The following COL6A2 variants were observed in gnomAD, a reference collection of about 807,000 sequenced individuals.
COL6A2 encodes collagen alpha-2(VI) chain.
A neutral mutation model predicts 124.9 loss-of-function variants in COL6A2; 90 were observed. The observed-to-expected ratio is 0.72, with a 90% CI of 0.61 to 0.86. The LOEUF is 0.86. COL6A2 is among the 40% of genes least tolerant of loss of function. COL6A2 has a pLI of 0.00. For missense variants in COL6A2, 1,607 were observed against 1,502.5 expected, an observed-to-expected ratio of 1.07 and a Z score of -1.15; for synonymous variants, 793 against 618.2, an observed-to-expected ratio of 1.28 and a Z score of -4.19.
chr21:46,129,989 G>A (rs952747282), intron 27 of COL6A2, among the ~76,000 whole-genome samples: 87 of 152,148 alleles, frequency 5.7e-4, no homozygotes, highest in Non-Finnish European at 1.2e-3. Flanking sequence ...GCGGAGCCTC[G>A]GAAACAGGCC....
In COL6A2 at chr21:46,117,861, A is replaced by T. The variant is rs1326125101; in HGVS notation, c.1054-13A>T. On this transcript the variant is annotated splice_polypyrimidine_tract_variant and intron_variant, in intron 11 of 27. Transcript: ENST00000300527. ...CGCCGTGTGCCGAGCTCCACCTCTC[A>T]CTCCTCTCTCAGGGCCCCGACGGTT... 2 of 1,607,374 alleles carry T rather than the reference A, an allele frequency of 1.2e-6. No individual in the cohort carries two copies. Among genetic ancestry groups the T allele is most frequent in the Non-Finnish European group, 1.7e-6 (2 of 1,178,206 alleles).
At chr21:46,112,701 G>T in intron 3 of COL6A2, 103 bp from the exon 4 acceptor site, 1 of 1,598,924 alleles carries the variant, frequency 6.3e-7, no homozygotes, top group African/African-American at 1.3e-5. Context: ...TCCGGGCAGG[G>T]CCTGGGCCAC....
At position 46,119,826 on chromosome 21, in the gene COL6A2, C is replaced by CAGCGATGGCCCCAAGGGGG; in HGVS notation, c.1311_1329dup (p.Lys444ArgfsTer13). The CAGCGATGGCCCCAAGGGGG allele has an allele frequency of 6.4e-7, 1 of 1,562,856 alleles. No homozygotes were observed. Among genetic ancestry groups the CAGCGATGGCCCCAAGGGGG allele is most frequent in the South Asian group, 1.2e-5 (1 of 85,032 alleles). On this transcript the variant is annotated frameshift_variant, in exon 15 of 28. Coordinates refer to ENST00000300527, the MANE Select transcript of COL6A2 (RefSeq NM_001849.4). LOFTEE classifies it high-confidence loss of function. The stretch of plus-strand genomic sequence containing the variant: ...ACCCCGGCACCAAGGGCAGCCCAGG[C>CAGCGATGGCCCCAAGGGGG]AGCGATGGCCCCAAGGGGGAGAAGG...
chr21:46,122,991 C>T (rs1158514223), intron 21 of COL6A2, 54 bp downstream of exon 21: 18 of 1,550,912 alleles, frequency 1.2e-5, no homozygotes, highest in Non-Finnish European at 1.5e-5. Context: ...AGGGAGGGGC[C>T]CTGAGGCTGA....
Position 46,126,239 on chromosome 21 carries a change from TGA to T in COL6A2, c.2422+4_2422+5del. 6 of 1,596,606 alleles carry T rather than the reference TGA, an allele frequency of 3.8e-6. No homozygotes were observed. Among genetic ancestry groups the T allele is most frequent in the Non-Finnish European group, 5.1e-6 (6 of 1,177,402 alleles). On this transcript the variant is annotated splice_donor_region_variant and intron_variant, in intron 26 of 27. Coordinates refer to ENST00000300527, the MANE Select transcript of COL6A2 (RefSeq NM_001849.4). ...ACATGGAGGACGTCCTCTGCCCGGG[TGA>T]GCGTGTGGGCGCGGGGCAGTCGGCC...
rs990153166 is a variant in COL6A2, at chr21:46,119,910, C to T, written c.1332+60C>T. On this transcript the variant is annotated intron_variant, in intron 15 of 27. Coordinates refer to ENST00000300527, the MANE Select transcript of COL6A2 (RefSeq NM_001849.4). ...CTGTGGTGCCCATGGGCCCTGCTGACGAGGGCCCCAACCCCATTCCTCCCA... is the reference window on the plus strand; with the variant it reads ...CTGTGGTGCCCATGGGCCCTGCTGATGAGGGCCCCAACCCCATTCCTCCCA... 68 of 1,441,314 alleles carry T rather than the reference C, an allele frequency of 4.7e-5. 1 individual carries two copies. The highest frequency in any genetic ancestry group is 3.2e-4 in the East Asian group (13 of 40,484). The allele number at this position is 1,441,314 out of a possible 1,614,324, so 89.3% of individuals were successfully genotyped here. A position where few individuals can be genotyped will look rare whatever the true frequency, so the allele number is the denominator to read the frequency against.
chr21:46,098,820 C>G (rs1394284127), intron 1 of COL6A2: 1 of 152,236 alleles, frequency 6.6e-6, no homozygotes, highest in East Asian at 1.9e-4. Context: ...GGCGGCGGGA[C>G]CCGGGCTGAC....
At position 46,132,065 on chromosome 21, in the gene COL6A2, A is replaced by G; in HGVS notation, c.2573A>G (p.Gln858Arg). ...NFHKARRFVEQVARRLTLARR... is the reference protein window; with the variant it reads ...NFHKARRFVERVARRLTLARR... ...CACAAGGCCCGGCGCTTCGTGGAGC[A>G]GGTGGCGCGGCGGCTGACGCTGGCC... Residue 858 changes from glutamine to arginine, a missense_variant, in exon 28 of 28, where the codon CAG becomes CGG. Gln to Arg is a conservative substitution (Grantham distance 43, BLOSUM62 1). Transcript: ENST00000300527. 1 of 1,605,720 alleles carries G rather than the reference A, an allele frequency of 6.2e-7. No individual in the cohort carries two copies. Among genetic ancestry groups the G allele is most frequent in the Non-Finnish European group, 8.5e-7 (1 of 1,178,296 alleles).
At chr21:46,128,986 C>G in intron 27 of COL6A2, 1 of 1,607,716 alleles carries the variant, frequency 6.2e-7, no homozygotes, top group South Asian at 1.1e-5. Flanking sequence ...GGTCTCCTAG[C>G]TCCCTGCCAG....
Position 46,120,635 on chromosome 21 carries a change from GCTGCACCCCAAGGTAGGGTGGCCGGGA to G in COL6A2, c.1395+77_1395+103del, listed in dbSNP as rs538484051. ...AGGGGATCTGAGGGGGTGCAGGGGG[GCTGCACCCCAAGGTAGGGTGGCCGGGA>G]CTGCACCCCAAGGTAGGGGACCCGG... is the stretch of plus-strand genomic sequence containing the variant. On this transcript the variant is annotated intron_variant, in intron 16 of 27. Transcript: ENST00000300527. 1.2e-3 allele frequency: 1,649 copies of G among 1,385,204 alleles called. 13 individuals are homozygous for G. The African/African-American group carries it at 0.019, about 16-fold the overall frequency. The allele number at this position is 1,385,204 out of a possible 1,614,324, so 85.8% of individuals were successfully genotyped here.
chr21:46,119,950 C>A, intron 15 of COL6A2, 100 bp downstream of exon 15: 1 of 1,043,860 alleles, frequency 9.6e-7, no homozygotes, highest in Non-Finnish European at 1.5e-6. Flanking sequence ...ACAACAGAAC[C>A]CCAGGGCCTC....
chr21:46,132,003 G>A lies in COL6A2; in HGVS notation c.2511G>A (p.Leu837=). The part of the protein sequence containing the change: ...CTQRPVDIVF[L]LDGSERLGEQ... ...AGCGGCCCGTGGACATCGTCTTCCT[G>A]CTGGACGGCTCCGAGCGGCTGGGTG... Residue 837 remains leucine (L), a synonymous_variant, in exon 28 of 28, where the codon CTG becomes CTA. Coordinates refer to ENST00000300527, the MANE Select transcript of COL6A2 (RefSeq NM_001849.4). 1.2e-6 allele frequency: 2 copies of A among 1,610,196 alleles called. No homozygotes were observed. The highest frequency in any genetic ancestry group is 1.7e-6 in the Non-Finnish European group (2 of 1,179,494).
At chr21:46,108,265 C>T (rs1171607146) in intron 1 of COL6A2, among the ~76,000 whole-genome samples, 3 of 152,082 alleles carry the variant, frequency 2.0e-5, no homozygotes, top group Non-Finnish European at 4.4e-5. Context: ...TGAATGGTAG[C>T]GTAAGATCTG....
intron 20 of COL6A2, 68 bp downstream of exon 20, chr21:46,122,599 A>C (rs1016074012): frequency 1.3e-6 from 2 of 1,542,546 alleles, no homozygotes; most frequent in Non-Finnish European, 1.8e-6. Context: ...TGCTGGGAAC[A>C]CAATGCCCAC....
At chr21:46,118,881 A>G (rs1331004875) in intron 13 of COL6A2, 149 bp from the exon 14 acceptor site, 25 of 924,556 alleles carry the variant, frequency 2.7e-5, no homozygotes, top group Non-Finnish European at 1.7e-6. Flanking sequence ...AGGCTGAACA[A>G]GTTCCAGGGG....
chr21:46,130,554 G>A lies in COL6A2; in HGVS notation c.2462-1400G>A, dbSNP rs1439870646. ...TGAAGGATCCTCCACAGGAGGAGGA[G>A]AGCAGAGTCCACAGACATCCCAACA... On this transcript the variant is annotated intron_variant, in intron 27 of 27. Transcript: ENST00000300527. 5.9e-5 allele frequency among the ~76,000 whole-genome samples: 9 copies of A among 152,004 alleles called. 1 individual carries two copies. In the East Asian group the frequency reaches 1.6e-3, roughly 26 times the overall value.
intron 15 of COL6A2, among the ~76,000 whole-genome samples, chr21:46,120,105 C>T (rs1357613208): frequency 4.5e-5 from 6 of 132,370 alleles, no homozygotes; most frequent in Non-Finnish European, 9.9e-5. Context: ...CCCACTGAGG[C>T]ACCACTCACA....
chr21:46,107,501 G>A (rs1011889944), intron 1 of COL6A2, among the ~76,000 whole-genome samples: 7 of 152,184 alleles, frequency 4.6e-5, no homozygotes, highest in African/African-American at 1.4e-4. Flanking sequence ...GCATCTGTAA[G>A]GAATCTCTGT....
At chr21:46,107,718 CAA>C (rs986132592) in intron 1 of COL6A2, among the ~76,000 whole-genome samples, 2 of 152,238 alleles carry the variant, frequency 1.3e-5, no homozygotes, top group Non-Finnish European at 2.9e-5. Context: ...GGTCTTTAGA[CAA>C]ACTCAACCAA....
Sources: allele counts gnomAD v4.1 joint callset (sites outside exome capture counted in the v4.1 genomes callset), GRCh38; gene constraint gnomAD v4.1.1; transcripts MANE v1.5; gene names NCBI Gene and HGNC (gene_info 2026-07-23, HGNC 2026-07-21).